Variants in SPEF2 observed in about 807,000 individuals in gnomAD.
The protein encoded by SPEF2 is sperm flagellar and cilia associated 2.
Under a neutral mutation model 224.6 loss-of-function variants are expected in SPEF2, and 187 were observed. The observed-to-expected ratio is 0.83, with a 90% CI of 0.74 to 0.94. SPEF2 has a LOEUF of 0.94. SPEF2 is among the 40% of genes least tolerant of loss of function. SPEF2 has a pLI of 0.00. For missense variants in SPEF2, 2,170 were observed against 2,135.6 expected (o/e 1.02, Z -0.32); for synonymous variants, 715 against 707.3 (o/e 1.01, Z -0.17).
At chr5:35,694,197 C>A (rs1754945874) in intron 12 of SPEF2, 91 bp from the exon 13 acceptor site, 2 of 954,990 alleles carry the variant, frequency 2.1e-6, no homozygotes, top group Non-Finnish European at 3.2e-6. Context: ...TGTATTTGTT[C>A]TCAAACCTTT....
At chr5:35,683,172 A>G (rs1454096648) in intron 10 of SPEF2, among the ~76,000 whole-genome samples, 1 of 152,150 alleles carries the variant, frequency 6.6e-6, no homozygotes, top group East Asian at 1.9e-4. Flanking sequence ...CTACAACAGG[A>G]TATAGAGAGG....
intron 19 of SPEF2, chr5:35,709,433 A>G (rs144908293): frequency 6.8e-4 from 757 of 1,107,980 alleles, no homozygotes; most frequent in Non-Finnish European, 7.9e-4. Context: ...TCAAGAGGAT[A>G]CACGTCTGTG....
intron 8 of SPEF2, among the ~76,000 whole-genome samples, chr5:35,665,216 G>A (rs1750305227): frequency 6.6e-6 from 1 of 152,112 alleles, no homozygotes; most frequent in African/African-American, 2.4e-5. Flanking sequence ...GTAGCAGGGA[G>A]CAAGGCCAGC....
intron 21 of SPEF2, among the ~76,000 whole-genome samples, chr5:35,730,167 G>T (rs1745402842): frequency 6.6e-6 from 1 of 152,234 alleles, no homozygotes; most frequent in Admixed American, 6.5e-5. Flanking sequence ...TGATGGGAGA[G>T]AGATTGAAAA....
chr5:35,711,023 C>T (rs993808197), intron 19 of SPEF2, among the ~76,000 whole-genome samples: 1 of 152,116 alleles, frequency 6.6e-6, no homozygotes, highest in Non-Finnish European at 1.5e-5. Context: ...CTCAGGGAAG[C>T]TTGGTTAGGC....
chr5:35,680,859 AGTGT>A (rs1307734188), intron 10 of SPEF2, among the ~76,000 whole-genome samples: 2 of 152,200 alleles, frequency 1.3e-5, no homozygotes, highest in African/African-American at 2.4e-5. Flanking sequence ...AAGCTTAGGA[AGTGT>A]GTTTGGGTGT....
At chr5:35,660,171 A>G (rs1402808966) in intron 8 of SPEF2, among the ~76,000 whole-genome samples, 1 of 152,148 alleles carries the variant, frequency 6.6e-6, no homozygotes, top group African/African-American at 2.4e-5. Context: ...GTAAAAAAAA[A>G]TAGATTGATT....
At chr5:35,628,415 G>A (rs757778379) in intron 1 of SPEF2, 45 bp from the exon 2 acceptor site, 28 of 1,289,174 alleles carry the variant, frequency 2.2e-5, no homozygotes, top group Middle Eastern at 1.8e-4. Context: ...AGCTCTATGC[G>A]CAACATTGTA....
chr5:35,787,817 G>C, intron 30 of SPEF2: 1 of 551,800 alleles, frequency 1.8e-6, no homozygotes, highest in Non-Finnish European at 3.2e-6. Flanking sequence ...GCAAAACTGA[G>C]GGTAGAAATT....
At chr5:35,796,986 G>C (rs2149843153) in intron 33 of SPEF2, among the ~76,000 whole-genome samples, 1 of 152,246 alleles carries the variant, frequency 6.6e-6, no homozygotes, top group African/African-American at 2.4e-5. Context: ...GGAGCGTTTT[G>C]GAATGGTCTG....
intron 23 of SPEF2, among the ~76,000 whole-genome samples, chr5:35,744,169 C>A (rs555916006): frequency 6.6e-6 from 1 of 152,250 alleles, no homozygotes; most frequent in South Asian, 2.1e-4. Flanking sequence ...CTAGTAAGCA[C>A]CACATAAGTT....
At chr5:35,710,004 A>C in intron 19 of SPEF2, 1 of 980,988 alleles carries the variant, frequency 1.0e-6, no homozygotes, top group Non-Finnish European at 1.2e-6. Flanking sequence ...TTTTAAAATT[A>C]AACTTATTCA....
intron 23 of SPEF2, among the ~76,000 whole-genome samples, chr5:35,748,110 T>C (rs1324408436): frequency 6.6e-6 from 1 of 152,032 alleles, no homozygotes; most frequent in Non-Finnish European, 1.5e-5. Context: ...GAAATCAAGA[T>C]GGAAATTAAA....
In SPEF2 at chr5:35,760,205, C is replaced by CAA. The variant is rs534130165; in HGVS notation, c.3620+493_3620+494dup. Among the ~76,000 whole-genome samples the CAA allele has an allele frequency of 2.6e-5, 4 of 151,448 alleles. No individual in the cohort carries two copies. The South Asian group carries it at 6.3e-4, about 24-fold the overall frequency. On this transcript the variant is annotated intron_variant, in intron 25 of 36. Coordinates refer to ENST00000356031, the MANE Select transcript of SPEF2 (RefSeq NM_024867.4). The stretch of plus-strand genomic sequence containing the variant: ...TGAAACCCCGTCTCTACTAAAAATA[C>CAA]AAAAAAAATTAGCCGGGCGTAGTGG...
intron 36 of SPEF2, among the ~76,000 whole-genome samples, 195 bp downstream of exon 36, chr5:35,807,448 C>T: frequency 6.6e-6 from 1 of 152,148 alleles, no homozygotes; most frequent in East Asian, 1.9e-4. Context: ...GCAGCAAGCT[C>T]AGGCACATTT....
chr5:35,667,843 T>C (rs1285697569), intron 9 of SPEF2, among the ~76,000 whole-genome samples: 1 of 151,994 alleles, frequency 6.6e-6, no homozygotes, highest in Admixed American at 6.6e-5. Context: ...AGTTCAAAAA[T>C]AGGCAAAAGA....
chr5:35,704,995 GT>G (rs1446765036), intron 17 of SPEF2, among the ~76,000 whole-genome samples: 5 of 152,146 alleles, frequency 3.3e-5, no homozygotes, highest in Non-Finnish European at 5.9e-5. Flanking sequence ...CAAAAAGTTA[GT>G]CATCGGAGTG....
chr5:35,713,706 C>A (rs1443663529), intron 20 of SPEF2, among the ~76,000 whole-genome samples: 1 of 142,558 alleles, frequency 7.0e-6, no homozygotes, highest in Non-Finnish European at 1.5e-5. Context: ...CCACTGCACT[C>A]CAGCCTGGGT....
chr5:35,663,599 C>T (rs1219042482), intron 8 of SPEF2, among the ~76,000 whole-genome samples: 1 of 152,110 alleles, frequency 6.6e-6, no homozygotes, highest in Non-Finnish European at 1.5e-5. Flanking sequence ...CATTTTCCTC[C>T]ATGTCTACAC....
Sources: gnomAD v4.1 joint callset for allele counts (sites outside exome capture counted in the v4.1 genomes callset) on GRCh38, gnomAD v4.1.1 for gene constraint, MANE v1.5 for transcripts, NCBI Gene and HGNC (gene_info 2026-07-23, HGNC 2026-07-21) for gene names.